Variants in PDE7A observed in about 807,000 individuals in gnomAD.
The protein encoded by PDE7A is phosphodiesterase 7A, also known as high affinity 3',5'-cyclic-AMP phosphodiesterase 7A.
Under a neutral mutation model 64.3 loss-of-function variants are expected in PDE7A, and 39 were observed. The observed-to-expected ratio is 0.61, with a 90% CI of 0.47 to 0.79. PDE7A has a LOEUF of 0.79. Among genes scored for constraint, PDE7A ranks in the 30% least tolerant of loss-of-function variants. PDE7A has a pLI of 0.00. For missense variants in PDE7A, 470 were observed against 582.8 expected, an observed-to-expected ratio of 0.81 and a Z score of 1.99; for synonymous variants, 203 against 206.8, an observed-to-expected ratio of 0.98 and a Z score of 0.16.
At chr8:65,802,211 G>C (rs78363258) in intron 1 of PDE7A, among the ~76,000 whole-genome samples, 4,494 of 152,232 alleles carry the variant, frequency 0.03, 237 homozygotes, top group African/African-American at 0.1. Flanking sequence ...AAGGGGTACA[G>C]AATTTCTGTT....
At position 65,715,995 on chromosome 8, in the gene PDE7A, T is replaced by TAAA. The variant is rs1806121382; in HGVS notation, c.*3294_*3295insTTT. 3.3e-5 allele frequency among the ~76,000 whole-genome samples: 1 copy of TAAA among 30,168 alleles called. No individual in the cohort carries two copies. Among genetic ancestry groups the TAAA allele is most frequent in the Non-Finnish European group, 5.4e-5 (1 of 18,402 alleles). The allele number at this position is 30,168 out of a possible 152,430, so 19.8% of individuals were successfully genotyped here. ...CTGGGCGACAGAGCAAGGCTCTGTC[T>TAAA]CAAAAAAAAAAAAAAAAAAAAAAAA... is the stretch of plus-strand genomic sequence containing the variant. On this transcript the variant is annotated 3_prime_UTR_variant, in exon 13 of 13. Coordinates refer to ENST00000401827, the MANE Select transcript of PDE7A (RefSeq NM_001242318.3).
At chr8:65,751,742 G>A (rs188045436) in intron 3 of PDE7A, among the ~76,000 whole-genome samples, 4,417 of 152,224 alleles carry the variant, frequency 0.029, 93 homozygotes, top group Non-Finnish European at 0.046. Context: ...TCTGCCTGCC[G>A]CGGCCTCCCA....
intron 5 of PDE7A, among the ~76,000 whole-genome samples, chr8:65,740,646 C>T (rs1264610077): frequency 1.3e-5 from 2 of 152,114 alleles, no homozygotes; most frequent in East Asian, 1.9e-4. Flanking sequence ...GTGATCCGCC[C>T]GCCTCGGCCT....
At chr8:65,772,780 G>A (rs542302354) in intron 3 of PDE7A, among the ~76,000 whole-genome samples, 51 of 152,280 alleles carry the variant, frequency 3.3e-4, no homozygotes, top group Middle Eastern at 3.4e-3. Flanking sequence ...AAGGCAGGCA[G>A]ATCACTTGAG....
At chr8:65,828,484 C>T (rs1810734222) in intron 1 of PDE7A, among the ~76,000 whole-genome samples, 1 of 152,010 alleles carries the variant, frequency 6.6e-6, no homozygotes, top group Non-Finnish European at 1.5e-5. Flanking sequence ...TTATCCAATC[C>T]CCCACTGATA....
chr8:65,835,093 T>C (rs1439413969), intron 1 of PDE7A, among the ~76,000 whole-genome samples: 4 of 152,246 alleles, frequency 2.6e-5, no homozygotes, highest in Non-Finnish European at 5.9e-5. Flanking sequence ...ATAAGCCATT[T>C]AAATGTGGAA....
intron 1 of PDE7A, among the ~76,000 whole-genome samples, chr8:65,786,903 A>G (rs1809572284): frequency 6.6e-6 from 1 of 152,214 alleles, no homozygotes; most frequent in East Asian, 1.9e-4. Context: ...ACTGTAAAGC[A>G]CCAAAGGACC....
intron 1 of PDE7A, chr8:65,788,898 T>G (rs1809629687): frequency 6.2e-7 from 1 of 1,611,850 alleles, no homozygotes; most frequent in Admixed American, 1.7e-5. Flanking sequence ...GGTGATCCAC[T>G]TGATAAGAAC....
intron 1 of PDE7A, among the ~76,000 whole-genome samples, chr8:65,840,241 G>A (rs1563527477): frequency 6.6e-6 from 1 of 152,148 alleles, no homozygotes; most frequent in Non-Finnish European, 1.5e-5. Context: ...CTTGTGCTGT[G>A]AAATAAGTTT....
chr8:65,737,981 G>C (rs1807223353), intron 6 of PDE7A, among the ~76,000 whole-genome samples: 1 of 152,044 alleles, frequency 6.6e-6, no homozygotes, highest in African/African-American at 2.4e-5. Flanking sequence ...CAATGTGATG[G>C]TCTCTCACTA....
rs1249997091 is a variant in PDE7A at position 65,718,895 on chromosome 8, A to G, written c.*395T>C. ...ATTTTCTCAGAGAGAACTTAGTGGAAGGTACAAGATACACATTGTTGCATC... is the reference window on the plus strand; with the variant it reads ...ATTTTCTCAGAGAGAACTTAGTGGAGGGTACAAGATACACATTGTTGCATC... On this transcript the variant is annotated 3_prime_UTR_variant, in exon 13 of 13. Transcript: ENST00000401827. 2 of 181,098 alleles carry G rather than the reference A, an allele frequency of 1.1e-5. No homozygotes were observed. The highest frequency in any genetic ancestry group is 4.7e-5 in the African/African-American group (2 of 42,574). The allele number at this position is 181,098 out of a possible 1,614,324, so 11.2% of individuals were successfully genotyped here.
chr8:65,722,096 G>C (rs1197742285), intron 12 of PDE7A: 1 of 152,158 alleles, frequency 6.6e-6, no homozygotes, highest in African/African-American at 2.4e-5. Context: ...GGCCACTTTT[G>C]TCCATTTCTA....
chr8:65,834,482 G>C (rs544753437), intron 1 of PDE7A, among the ~76,000 whole-genome samples: 46 of 152,206 alleles, frequency 3.0e-4, no homozygotes, highest in African/African-American at 1.1e-3. Flanking sequence ...AGCCTGCATT[G>C]TTCAAGGGTC....
chr8:65,734,185 C>T (rs1807027388), intron 7 of PDE7A, among the ~76,000 whole-genome samples: 1 of 152,182 alleles, frequency 6.6e-6, no homozygotes, highest in Admixed American at 6.5e-5. Flanking sequence ...TACATTCCTC[C>T]TCTCATGGAA....
intron 3 of PDE7A, among the ~76,000 whole-genome samples, chr8:65,755,607 T>C (rs1393094944): frequency 6.6e-6 from 1 of 152,256 alleles, no homozygotes; most frequent in African/African-American, 2.4e-5. Flanking sequence ...GACATAATTA[T>C]TGTTACATGC....
intron 1 of PDE7A, among the ~76,000 whole-genome samples, chr8:65,820,387 C>A (rs549257749): frequency 6.6e-6 from 1 of 151,838 alleles, no homozygotes; most frequent in East Asian, 1.9e-4. Context: ...CAGAGTGAGA[C>A]CCTGTTTCAA....
intron 1 of PDE7A, among the ~76,000 whole-genome samples, chr8:65,840,938 G>T (rs1388915677): frequency 1.3e-5 from 2 of 152,248 alleles, no homozygotes; most frequent in South Asian, 2.1e-4. Context: ...GCGCGCGGGA[G>T]CTGGGGGAGG....
At chr8:65,758,991 T>C (rs1354390584) in intron 3 of PDE7A, among the ~76,000 whole-genome samples, 1 of 152,190 alleles carries the variant, frequency 6.6e-6, no homozygotes, top group African/African-American at 2.4e-5. Context: ...ACCGTCATTA[T>C]GTGTCTGAGA....
intron 1 of PDE7A, among the ~76,000 whole-genome samples, chr8:65,792,025 T>C (rs1809715890): frequency 6.6e-6 from 1 of 152,184 alleles, no homozygotes; most frequent in Non-Finnish European, 1.5e-5. Context: ...CCATAAATAT[T>C]ATGCTTATAA....
Sources: allele counts gnomAD v4.1 joint callset (sites outside exome capture counted in the v4.1 genomes callset), GRCh38; gene constraint gnomAD v4.1.1; transcripts MANE v1.5; gene names NCBI Gene and HGNC (gene_info 2026-07-23, HGNC 2026-07-21).